The following TMC6 variants were observed in gnomAD, a reference collection of about 807,000 sequenced individuals.
TMC6 encodes the protein transmembrane channel-like protein 6.
A neutral mutation model predicts 95.4 loss-of-function variants in TMC6; 71 were observed. That is an observed-to-expected ratio of 0.74 (90% CI 0.61 to 0.91). The LOEUF is 0.91. Among genes scored for constraint, TMC6 ranks in the 40% least tolerant of loss-of-function variants. TMC6 has a pLI of 0.00. For missense variants in TMC6, 1,074 were observed against 1,079.1 expected (o/e 1.00, Z 0.07); for synonymous variants, 514 against 483.1 (o/e 1.06, Z -0.84).
In TMC6 at chr17:78,124,141, G is replaced by C; in HGVS notation, c.930C>G (p.Tyr310Ter). ...ACGGCTGGTTCAGCGTGGCGTTACT[G>C]TAGTGGCCGTAGTACATGACGGTGT... is the stretch of plus-strand genomic sequence containing the variant. ...FTHTVMYYGH[Y>*]SNATLNQPCG... Residue 310 changes from tyrosine (Y) to a stop codon, truncating the protein, a stop_gained, in exon 9 of 20, where the codon TAC becomes TAG. Coordinates refer to ENST00000590602, the MANE Select transcript of TMC6 (RefSeq NM_001127198.5). LOFTEE classifies it high-confidence loss of function. 6.2e-7 allele frequency: 1 copy of C among 1,612,528 alleles called. No individual in the cohort carries two copies.
chr17:78,132,153 C>T (rs555916648), upstream of TMC6: 6 of 1,453,108 alleles, frequency 4.1e-6, no homozygotes, highest in South Asian at 2.5e-5. Flanking sequence ...ATCGGCCCCT[C>T]CCCCCTCCCA....
chr17:78,125,011 C>T lies in TMC6; in HGVS notation c.537-26G>A, dbSNP rs1373738745. 3.2e-6 allele frequency: 5 copies of T among 1,564,306 alleles called. No homozygotes were observed. In the East Asian group the frequency reaches 9.4e-5, roughly 29 times the overall value. ...CTGGGGACAGAGGCAGCCATAGGTG[C>T]CTGGACCAATGAGGGGCCTGACTCT... On this transcript the variant is annotated intron_variant, in intron 6 of 19. Transcript: ENST00000590602.
intron 8 of TMC6, 58 bp downstream of exon 8, chr17:78,124,466 G>A (rs754935441): frequency 6.8e-5 from 108 of 1,596,732 alleles, no homozygotes; most frequent in Admixed American, 1.2e-4. Flanking sequence ...AAGGGAACAC[G>A]GTACCAGGGT....
rs759759433 is a variant in TMC6 at position 78,118,988 on chromosome 17, C to T, written c.1870G>A (p.Val624Ile). The change falls in exon 15 of 20, where the codon GTC (valine) becomes ATC (isoleucine). Residue 624 changes from valine to isoleucine, a missense_variant. Physicochemically the swap from Val to Ile is conservative, Grantham distance 29. Transcript: ENST00000590602. The part of the protein sequence containing the change: ...PAVQIIKLLL[V>I]FYVKKTSLLA... ...AGCCTCACCTTCTTGACATAGAAGA[C>T]GAGCAGCAGCTTGATGATCTGCACG... 3.0e-5 allele frequency: 48 copies of T among 1,604,594 alleles called. 1 individual carries two copies. Among genetic ancestry groups the T allele is most frequent in the Non-Finnish European group, 3.7e-5 (43 of 1,175,970 alleles).
chr17:78,122,134 A>G lies in TMC6; in HGVS notation c.1228-423T>C, dbSNP rs1452700761. Among the ~76,000 whole-genome samples the G allele has an allele frequency of 6.6e-6, 1 of 152,082 alleles. No homozygotes were observed. Among genetic ancestry groups the G allele is most frequent in the Non-Finnish European group, 1.5e-5 (1 of 68,002 alleles). On this transcript the variant is annotated intron_variant, in intron 10 of 19. Coordinates refer to ENST00000590602, the MANE Select transcript of TMC6 (RefSeq NM_001127198.5). The surrounding 1 kb of genome is among the most constrained non-coding windows in gnomAD (Gnocchi z 4.9). ...GCTCCTTGAAGCACAGAACCCCAGAAAGGCAGAGAATGTTCCACGAGGCCC... is the reference window on the plus strand; with the variant it reads ...GCTCCTTGAAGCACAGAACCCCAGAGAGGCAGAGAATGTTCCACGAGGCCC...
chr17:78,122,895 C>A lies in TMC6; in HGVS notation c.1083-146G>T. ...CCCTGACTGGGCCTCCTGCCACACCCCTGCCCCACCACCAGCCCTCTACAC... is the reference window on the plus strand; with the variant it reads ...CCCTGACTGGGCCTCCTGCCACACCACTGCCCCACCACCAGCCCTCTACAC... On this transcript the variant is annotated intron_variant, in intron 9 of 19. Transcript: ENST00000590602. This position sits in a 1 kb window ranked among gnomAD's most constrained non-coding sequence, Gnocchi z 4.9. 9.2e-7 allele frequency: 1 copy of A among 1,084,026 alleles called. No individual in the cohort carries two copies. The highest frequency in any genetic ancestry group is 1.4e-6 in the Non-Finnish European group (1 of 740,258). 67.2% of individuals were successfully genotyped at this position (1,084,026 alleles called of 1,614,324 possible).
In TMC6 at chr17:78,122,964, A is replaced by T; in HGVS notation, c.1083-215T>A. ...CACCCACCAGCCACATCTGCCTAGA[A>T]GAGGGGGCAGGGCTGCATTCACCGC... On this transcript the variant is annotated intron_variant, in intron 9 of 19. Coordinates refer to ENST00000590602, the MANE Select transcript of TMC6 (RefSeq NM_001127198.5). The surrounding 1 kb of genome is among the most constrained non-coding windows in gnomAD (Gnocchi z 4.9). 1 of 669,450 alleles carries T rather than the reference A, an allele frequency of 1.5e-6. No individual in the cohort carries two copies. The highest frequency in any genetic ancestry group is 1.8e-5 in the South Asian group (1 of 55,636). The allele number at this position is 669,450 out of a possible 1,614,324, so 41.5% of individuals were successfully genotyped here.
chr17:78,127,025 C>A (rs2074754781), intron 1 of TMC6, 119 bp from the exon 2 acceptor site: 1 of 662,088 alleles, frequency 1.5e-6, no homozygotes, highest in African/African-American at 1.8e-5. Flanking sequence ...TCCCGCCCAC[C>A]CCCCTATCAC....
At chr17:78,125,580 G>A (rs1257025077) in intron 5 of TMC6, 146 bp downstream of exon 5, 61 of 1,262,214 alleles carry the variant, frequency 4.8e-5, no homozygotes, top group Admixed American at 1.4e-4. Context: ...GCAGAGGGAC[G>A]GGGGGGCCTT....
rs778494020 is a variant in TMC6 at position 78,126,844 on chromosome 17, A to G, written c.-12T>C. The G allele has an allele frequency of 1.9e-6, 3 of 1,611,824 alleles. No homozygotes were observed. In the South Asian group the frequency reaches 3.3e-5, roughly 18 times the overall value. On this transcript the variant is annotated 5_prime_UTR_variant, in exon 2 of 20. Transcript: ENST00000590602. ...AGTGGCTGGGCCATGTCTCTGGCCA[A>G]TGCCCGCTAGTCTGCAGACCTAGGG...
rs2074485548 is a variant in TMC6 at position 78,122,861 on chromosome 17, C to T, written c.1083-112G>A. On this transcript the variant is annotated intron_variant, in intron 9 of 19. Coordinates refer to ENST00000590602, the MANE Select transcript of TMC6 (RefSeq NM_001127198.5). This position sits in a 1 kb window ranked among gnomAD's most constrained non-coding sequence, Gnocchi z 4.9. The stretch of plus-strand genomic sequence containing the variant: ...CCAGACCCCACCACCCACTCAGGAG[C>T]CATCTGGGCCCTGACTGGGCCTCCT... 2.0e-6 allele frequency: 3 copies of T among 1,481,238 alleles called. No individual in the cohort carries two copies. Among genetic ancestry groups the T allele is most frequent in the South Asian group, 2.4e-5 (2 of 82,452 alleles). 91.8% of individuals were successfully genotyped at this position (1,481,238 alleles called of 1,614,324 possible). A position where few individuals can be genotyped will look rare whatever the true frequency, so the allele number is the denominator to read the frequency against.
chr17:78,113,912 C>A (rs544590312), intron 18 of TMC6: 11 of 451,468 alleles, frequency 2.4e-5, no homozygotes, highest in African/African-American at 2.0e-4. Context: ...AGCCCTGCCA[C>A]GTACTGGCTC....
At position 78,112,699 on chromosome 17, in the gene TMC6, G is replaced by A. The variant is rs1369070503; in HGVS notation, c.*449C>T. The A allele has an allele frequency of 8.3e-6, 2 of 240,294 alleles. No individual in the cohort carries two copies. The highest frequency in any genetic ancestry group is 1.0e-4 in the Admixed American group (2 of 19,402). The allele number at this position is 240,294 out of a possible 1,614,324, so 14.9% of individuals were successfully genotyped here. A position where few individuals can be genotyped will look rare whatever the true frequency, so the allele number is the denominator to read the frequency against. Reference sequence around the variant, plus strand: ...GTGCCTGCTCGGCTCACTTGTGCAGGTGTAAGCCCCTCCTGGGCGCGAGTT... The same window carrying A: ...GTGCCTGCTCGGCTCACTTGTGCAGATGTAAGCCCCTCCTGGGCGCGAGTT... On this transcript the variant is annotated 3_prime_UTR_variant, in exon 20 of 20. Coordinates refer to ENST00000590602, the MANE Select transcript of TMC6 (RefSeq NM_001127198.5).
Position 78,124,971 on chromosome 17 carries a change from G to T in TMC6, c.551C>A (p.Thr184Asn), listed in dbSNP as rs1184836790. 3.8e-6 allele frequency: 6 copies of T among 1,592,546 alleles called. No homozygotes were observed. The Admixed American group carries it at 1.0e-4, about 28-fold the overall frequency. Residue 184 changes from threonine to asparagine, a missense_variant, in exon 7 of 20, where the codon ACC becomes AAC. Coordinates refer to ENST00000590602, the MANE Select transcript of TMC6 (RefSeq NM_001127198.5). Reference protein sequence around the residue: ...EKRSLREKSRTPRGKWRGQPG... With the variant: ...EKRSLREKSRNPRGKWRGQPG... The stretch of plus-strand genomic sequence containing the variant: ...CTGGCCCCTCCACTTCCCCCTCGGG[G>T]TCCTGCTCTTCTCTCTGGGGACAGA...
At position 78,122,655 on chromosome 17, in the gene TMC6, G is replaced by A. The variant is rs776505795; in HGVS notation, c.1177C>T (p.Gln393Ter). The change falls in exon 10 of 20, where the codon CAG becomes TAG. Residue 393 changes from glutamine (Q) to a stop codon, truncating the protein, a stop_gained. Transcript: ENST00000590602. LOFTEE classifies it high-confidence loss of function. This position sits in a 1 kb window ranked among gnomAD's most constrained non-coding sequence, Gnocchi z 4.9. ...VFCSWDYKVT[Q>*]KRASRLQQDN... The stretch of plus-strand genomic sequence containing the variant: ...TGCTGGAGGCGGGAGGCCCGCTTCT[G>A]CGTCACCTTGTAGTCCCAGGAGCAG... The A allele has an allele frequency of 1.2e-6, 2 of 1,612,144 alleles. No homozygotes were observed. The highest frequency in any genetic ancestry group is 1.7e-5 in the Admixed American group (1 of 59,970).
chr17:78,117,835 C>T lies in TMC6; in HGVS notation c.1988G>A (p.Gly663Asp), dbSNP rs751509409. The T allele has an allele frequency of 3.7e-6, 6 of 1,607,932 alleles. No homozygotes were observed. The Admixed American group carries it at 8.4e-5, about 23-fold the overall frequency. Residue 663 changes from glycine (G) to aspartate (D), a missense_variant, in exon 16 of 20, where the codon GGC becomes GAC. By Grantham distance (94) the Gly-to-Asp change is moderately conservative. Transcript: ENST00000590602. Reference sequence around the variant, plus strand: ...GGCGTAGCAGAGGAAGACAGCGGCGCCCAGGAAGGCGGGGAAGCAGAGCAG... The same window carrying T: ...GGCGTAGCAGAGGAAGACAGCGGCGTCCAGGAAGGCGGGGAAGCAGAGCAG... ...LTLLCFPAFL[G>D]AAVFLCYAVW...
rs1262812512 is a variant in TMC6, at chr17:78,122,625, T to C, written c.1207A>G (p.Asn403Asp). ...QKRASRLQQD[N>D]IRTRLKELLA... The stretch of plus-strand genomic sequence containing the variant: ...CTCACCTTCAGCCGGGTGCGAATAT[T>C]GTCCTGCTGGAGGCGGGAGGCCCGC... The change falls in exon 10 of 20, where the codon AAT becomes GAT. Residue 403 changes from asparagine to aspartate, a missense_variant. By Grantham distance (23) the Asn-to-Asp change is conservative (BLOSUM62 1). Transcript: ENST00000590602. This position sits in a 1 kb window ranked among gnomAD's most constrained non-coding sequence, Gnocchi z 4.9. The C allele has an allele frequency of 3.1e-6, 5 of 1,611,608 alleles. No individual in the cohort carries two copies. The East Asian group carries it at 1.1e-4, about 36-fold the overall frequency.
chr17:78,119,172 C>T, intron 14 of TMC6, 125 bp downstream of exon 14: 2 of 1,502,018 alleles, frequency 1.3e-6, no homozygotes, highest in Admixed American at 3.4e-5. Flanking sequence ...TTAGGGTCTG[C>T]ATCACTCCAG....
chr17:78,109,568 C>G lies in TMC6; in HGVS notation c.*3580G>C, dbSNP rs1338977003. On this transcript the variant is annotated 3_prime_UTR_variant, in exon 20 of 20. Transcript: ENST00000590602. ...ATCACCTGAGCCCAGGAGGTCGAGGCTGCAGTGAGCTGTGATCGTGCCACT... is the reference window on the plus strand; with the variant it reads ...ATCACCTGAGCCCAGGAGGTCGAGGGTGCAGTGAGCTGTGATCGTGCCACT... 1 of 456,172 alleles carries G rather than the reference C, an allele frequency of 2.2e-6. No homozygotes were observed. Among genetic ancestry groups the G allele is most frequent in the Non-Finnish European group, 4.4e-6 (1 of 226,920 alleles). 28.3% of individuals were successfully genotyped at this position (456,172 alleles called of 1,614,324 possible).
Sources: allele counts gnomAD v4.1 joint callset (sites outside exome capture counted in the v4.1 genomes callset), GRCh38; gene constraint gnomAD v4.1.1; non-coding constraint Gnocchi (gnomAD v3.1); transcripts MANE v1.5; gene names NCBI Gene and HGNC (gene_info 2026-07-23, HGNC 2026-07-21).